The following ABCG2 variants were observed in gnomAD, a reference collection of about 807,000 sequenced individuals.
ABCG2 encodes the protein broad substrate specificity ATP-binding cassette transporter ABCG2.
In ABCG2, 80 loss-of-function variants were observed where a neutral mutation model predicts 73.5. The ratio of observed to expected loss-of-function variants is 1.09; its 90% CI spans 0.91 to 1.31. The LOEUF is 1.31. Among genes scored for constraint, ABCG2 ranks in the 50% most tolerant of loss-of-function variants. The pLI is 0.00. For synonymous variants in ABCG2, 269 were observed against 282.4 expected (o/e 0.95, Z 0.48); for missense variants, 796 against 786.2 (o/e 1.01, Z -0.15).
intron 1 of ABCG2, among the ~76,000 whole-genome samples, chr4:88,213,178 A>T (rs1212871363): frequency 1.3e-5 from 2 of 152,180 alleles, no homozygotes; most frequent in Non-Finnish European, 2.9e-5. Context: ...TGTTGGGATT[A>T]CTGGCTTGAG....
At chr4:88,183,684 A>G (rs1187123936) in intron 1 of ABCG2, among the ~76,000 whole-genome samples, 1 of 152,156 alleles carries the variant, frequency 6.6e-6, no homozygotes, top group Non-Finnish European at 1.5e-5. Context: ...AAAATAGAGG[A>G]AGAGGGAATA....
At position 88,149,265 on chromosome 4, in the gene ABCG2, T is replaced by C. The variant is rs6819279; in HGVS notation, c.-20+9121A>G. Among the ~76,000 whole-genome samples the C allele has an allele frequency of 2.2e-3, 328 of 152,340 alleles. 1 individual carries two copies. Among genetic ancestry groups the C allele is most frequent in the African/African-American group, 7.5e-3 (312 of 41,582 alleles). ...AAAAGAATTCTGTCCAAATTGGTTT[T>C]AATCTGTGATTAGAAAGCCAAAACT... On this transcript the variant is annotated intron_variant, in intron 1 of 15. Coordinates refer to ENST00000237612, the MANE Select transcript of ABCG2 (RefSeq NM_004827.3).
At chr4:88,172,274 A>G (rs373646314) in intron 1 of ABCG2, among the ~76,000 whole-genome samples, 24 of 145,732 alleles carry the variant, frequency 1.6e-4, no homozygotes, top group African/African-American at 6.0e-4. Flanking sequence ...AGCCTGGGCA[A>G]CAAGAGCAAA....
chr4:88,185,573 A>T (rs1728419574), intron 1 of ABCG2, among the ~76,000 whole-genome samples: 1 of 152,146 alleles, frequency 6.6e-6, no homozygotes, highest in African/African-American at 2.4e-5. Flanking sequence ...CCACAGAACC[A>T]TATTAATGGG....
At chr4:88,104,994 C>A (rs1406713682) in intron 10 of ABCG2, among the ~76,000 whole-genome samples, 1 of 152,164 alleles carries the variant, frequency 6.6e-6, no homozygotes, top group South Asian at 2.1e-4. Context: ...AAAAGGCCCA[C>A]TGCCTTTAGA....
At chr4:88,115,256 C>CTCTCTCTCTCTCTCTATATA (rs1309360818) in intron 7 of ABCG2, among the ~76,000 whole-genome samples, 198 bp from the exon 8 acceptor site, 4 of 69,866 alleles carry the variant, frequency 5.7e-5, no homozygotes, top group Non-Finnish European at 7.9e-5. Flanking sequence ...CTCTCTCTCT[C>CTCTCTCTCTCTCTCTATATA]TATATATATA....
chr4:88,130,262 C>T (rs1278132538), intron 5 of ABCG2, among the ~76,000 whole-genome samples: 6 of 152,074 alleles, frequency 3.9e-5, no homozygotes, highest in East Asian at 3.9e-4. Context: ...AGGTCAGTGG[C>T]GGCATTAGAT....
chr4:88,179,608 T>C (rs1037100541), intron 1 of ABCG2, among the ~76,000 whole-genome samples: 68 of 152,194 alleles, frequency 4.5e-4, no homozygotes, highest in Non-Finnish European at 7.9e-4. Context: ...ATGACCTTTC[T>C]TTCAAACAGA....
At chr4:88,230,676 T>C (rs41478845) in intron 1 of ABCG2, among the ~76,000 whole-genome samples, 1 of 151,980 alleles carries the variant, frequency 6.6e-6, no homozygotes, top group East Asian at 1.9e-4. Flanking sequence ...ATAAATCATG[T>C]GTTCAGCCAA....
intron 1 of ABCG2, among the ~76,000 whole-genome samples, chr4:88,202,366 A>ATATATATATATATATATATATATATATG (rs1456537532): frequency 9.8e-5 from 12 of 122,950 alleles, no homozygotes; most frequent in African/African-American, 3.5e-4. Flanking sequence ...ATATATATAT[A>ATATATATATATATATATATATATATATG]TATATATATA....
At chr4:88,113,856 C>T (rs1030165404) in intron 8 of ABCG2, among the ~76,000 whole-genome samples, 4 of 151,876 alleles carry the variant, frequency 2.6e-5, no homozygotes, top group Admixed American at 2.6e-4. Flanking sequence ...CCCAGCCACT[C>T]AGGAGGCTGA....
rs540796913 is a variant in ABCG2, at chr4:88,148,378, T to A, written c.-19-8364A>T. ...TAATCGAAAGAGATATGTTGGGTCA[T>A]GTATACCATTCATGAGGCTGGAGTT... On this transcript the variant is annotated intron_variant, in intron 1 of 15. Coordinates refer to ENST00000237612, the MANE Select transcript of ABCG2 (RefSeq NM_004827.3). Among the ~76,000 whole-genome samples the A allele has an allele frequency of 2.0e-5, 3 of 152,288 alleles. No individual in the cohort carries two copies. In the South Asian group the frequency reaches 6.2e-4, roughly 32 times the overall value.
At chr4:88,118,541 T>A (rs1010513565) in intron 6 of ABCG2, among the ~76,000 whole-genome samples, 13 of 152,198 alleles carry the variant, frequency 8.5e-5, no homozygotes, top group African/African-American at 2.9e-4. Flanking sequence ...AGACATTGAA[T>A]TAGAATCTCT....
chr4:88,174,398 C>A (rs542541858), intron 1 of ABCG2, among the ~76,000 whole-genome samples: 2 of 152,154 alleles, frequency 1.3e-5, no homozygotes, highest in Non-Finnish European at 2.9e-5. Flanking sequence ...TCAACTCTCA[C>A]CTATGAGTGA....
chr4:88,144,449 CTTTT>C (rs59434855), intron 1 of ABCG2, among the ~76,000 whole-genome samples: 4 of 77,582 alleles, frequency 5.2e-5, no homozygotes, highest in Admixed American at 3.8e-4. Flanking sequence ...CACATTTTTA[CTTTT>C]TTTTTTTTTT....
upstream of ABCG2, among the ~76,000 whole-genome samples, chr4:88,160,447 C>T (rs1727246418): frequency 6.6e-6 from 1 of 151,912 alleles, no homozygotes; most frequent in Admixed American, 6.6e-5. Context: ...GGAGACTGAA[C>T]AAAAATGGAG....
At chr4:88,205,294 A>G (rs1729332180) in intron 1 of ABCG2, among the ~76,000 whole-genome samples, 2 of 152,224 alleles carry the variant, frequency 1.3e-5, no homozygotes, top group African/African-American at 4.8e-5. Flanking sequence ...TCCAAGTCTC[A>G]GGACAGTCTT....
At chr4:88,149,473 G>C (rs1726292215) in intron 1 of ABCG2, among the ~76,000 whole-genome samples, 1 of 152,126 alleles carries the variant, frequency 6.6e-6, no homozygotes, top group South Asian at 2.1e-4. Context: ...GAATGTGTGG[G>C]GTTTCAGCTC....
At chr4:88,094,492 A>T (rs1173920218) in intron 15 of ABCG2, 85 bp downstream of exon 15, 8 of 1,173,228 alleles carry the variant, frequency 6.8e-6, no homozygotes, top group Non-Finnish European at 1.0e-5. Context: ...CCCTGGAAGG[A>T]CTCATACAGA....
Sources: allele counts gnomAD v4.1 joint callset (sites outside exome capture counted in the v4.1 genomes callset), GRCh38; gene constraint gnomAD v4.1.1; transcripts MANE v1.5; gene names NCBI Gene and HGNC (gene_info 2026-07-23, HGNC 2026-07-21).